TRPM3: variants seen among roughly 807,000 people sequenced by gnomAD.
TRPM3 encodes long transient receptor potential channel 3.
TRPM3 carries 77 observed loss-of-function variants against 181.2 expected under a neutral mutation model. That is an observed-to-expected ratio of 0.42 (90% CI 0.35 to 0.51). TRPM3 has a LOEUF of 0.51. Ranked by LOEUF, TRPM3 falls within the 20% of genes least tolerant of loss-of-function variation. The pLI is 0.01. For synonymous variants in TRPM3, 745 were observed against 796.4 expected, an observed-to-expected ratio of 0.94 and a Z score of 1.09; for missense variants, 1,759 against 2,196.7, an observed-to-expected ratio of 0.80 and a Z score of 3.98.
chr9:71,265,883 C>G (rs1241227177), intron 1 of TRPM3, among the ~76,000 whole-genome samples: 1 of 152,206 alleles, frequency 6.6e-6, no homozygotes, highest in South Asian at 2.1e-4. Context: ...AAGCAACCCA[C>G]TCAATTAAAA....
At chr9:71,287,882 T>C (rs951196806) in intron 1 of TRPM3, among the ~76,000 whole-genome samples, 3 of 152,078 alleles carry the variant, frequency 2.0e-5, no homozygotes, top group African/African-American at 4.8e-5. Flanking sequence ...TACTGTAAAA[T>C]TGAGGTAGCA....
At chr9:71,385,282 C>A (rs1327186471) in intron 1 of TRPM3, among the ~76,000 whole-genome samples, 2 of 151,978 alleles carry the variant, frequency 1.3e-5, no homozygotes, top group Non-Finnish European at 2.9e-5. Flanking sequence ...ATATTTCTTT[C>A]TTTAATAACT....
At chr9:70,919,375 C>T (rs2096631919) in intron 1 of TRPM3, among the ~76,000 whole-genome samples, 2 of 152,224 alleles carry the variant, frequency 1.3e-5, no homozygotes, top group African/African-American at 4.8e-5. Context: ...TAGGAATACT[C>T]TGCCCCAGCC....
chr9:71,292,780 T>C (rs2085924344), intron 1 of TRPM3, among the ~76,000 whole-genome samples: 1 of 151,948 alleles, frequency 6.6e-6, no homozygotes, highest in Non-Finnish European at 1.5e-5. Flanking sequence ...GAGAAATACT[T>C]CTACAAATTT....
chr9:70,652,707 G>A (rs985885979), intron 9 of TRPM3, among the ~76,000 whole-genome samples: 1 of 152,138 alleles, frequency 6.6e-6, no homozygotes, highest in African/African-American at 2.4e-5. Context: ...GCTTTAAACT[G>A]TGGTCTCCCC....
chr9:71,349,598 A>G (rs1285290518), intron 1 of TRPM3, among the ~76,000 whole-genome samples: 1 of 152,232 alleles, frequency 6.6e-6, no homozygotes, highest in African/African-American at 2.4e-5. Flanking sequence ...AAACCAAAAC[A>G]AATCAAAACC....
At chr9:70,890,075 C>A (rs2096173229) in intron 1 of TRPM3, among the ~76,000 whole-genome samples, 2 of 146,608 alleles carry the variant, frequency 1.4e-5, no homozygotes, top group South Asian at 4.2e-4. Flanking sequence ...ATATAGTGTA[C>A]TATATACTAT....
chr9:71,112,833 A>C (rs939509465), intron 1 of TRPM3, among the ~76,000 whole-genome samples: 5 of 152,144 alleles, frequency 3.3e-5, no homozygotes, highest in African/African-American at 1.2e-4. Flanking sequence ...GATTCAGAGA[A>C]ATTTTTCTGA....
At chr9:71,283,540 G>C (rs2085028958) in intron 1 of TRPM3, among the ~76,000 whole-genome samples, 1 of 152,008 alleles carries the variant, frequency 6.6e-6, no homozygotes, top group Admixed American at 6.6e-5. Context: ...TCCTGACCTC[G>C]TGATCCCCCG....
intron 9 of TRPM3, among the ~76,000 whole-genome samples, chr9:70,640,921 GCTT>G (rs905715767): frequency 2.0e-5 from 3 of 152,036 alleles, no homozygotes; most frequent in Non-Finnish European, 4.4e-5. Context: ...GAAACTCCAT[GCTT>G]TTTTGATATA....
chr9:70,980,345 A>G (rs2134014321), intron 1 of TRPM3, among the ~76,000 whole-genome samples: 1 of 152,186 alleles, frequency 6.6e-6, no homozygotes. Flanking sequence ...AGGGAGCAGC[A>G]GCATGATCAC....
chr9:71,167,075 T>C (rs2076575439), intron 1 of TRPM3, among the ~76,000 whole-genome samples: 1 of 151,968 alleles, frequency 6.6e-6, no homozygotes, highest in South Asian at 2.1e-4. Flanking sequence ...AGAAAAAGAG[T>C]TACCAAAAAA....
intron 11 of TRPM3, among the ~76,000 whole-genome samples, chr9:70,637,646 C>T (rs1434889266): frequency 2.0e-5 from 3 of 152,160 alleles, no homozygotes; most frequent in South Asian, 2.1e-4. Flanking sequence ...TAACCCGTTT[C>T]TATTTTTTGC....
chr9:71,369,309 AC>A (rs1429743439), intron 1 of TRPM3, among the ~76,000 whole-genome samples: 3 of 152,208 alleles, frequency 2.0e-5, no homozygotes, highest in Non-Finnish European at 2.9e-5. Context: ...TTTTTAAAGG[AC>A]TAATACTCCA....
At chr9:70,655,325 A>AAAAAAAAAAAAC (rs2060186634) in intron 9 of TRPM3, among the ~76,000 whole-genome samples, 1 of 149,564 alleles carries the variant, frequency 6.7e-6, no homozygotes, top group Non-Finnish European at 1.5e-5. Context: ...AAAAAAAAAA[A>AAAAAAAAAAAAC]AAAAAGAAAA....
At chr9:70,852,431 G>C (rs969381863) in intron 3 of TRPM3, among the ~76,000 whole-genome samples, 1 of 152,046 alleles carries the variant, frequency 6.6e-6, no homozygotes, top group Non-Finnish European at 1.5e-5. Flanking sequence ...GGTGTAAATG[G>C]CTCTGTGTCT....
intron 16 of TRPM3, 21 bp from the exon 17 acceptor site, chr9:70,619,116 A>G: frequency 1.2e-6 from 2 of 1,602,216 alleles, no homozygotes; most frequent in Non-Finnish European, 8.5e-7. Flanking sequence ...GAATGGGTGG[A>G]AGAGTCCTTC....
intron 1 of TRPM3, among the ~76,000 whole-genome samples, chr9:71,070,153 T>G (rs992860325): frequency 6.6e-6 from 1 of 152,234 alleles, no homozygotes; most frequent in African/African-American, 2.4e-5. Context: ...AGTGTCATTA[T>G]CAAAATGTAT....
intron 6 of TRPM3, among the ~76,000 whole-genome samples, chr9:70,824,256 C>T (rs567947160): frequency 4.8e-4 from 73 of 152,018 alleles, no homozygotes; most frequent in Non-Finnish European, 9.3e-4. Flanking sequence ...CTGGGGCCAT[C>T]CTGAGTGTAA....
Sources: gnomAD v4.1 joint callset for allele counts (sites outside exome capture counted in the v4.1 genomes callset) on GRCh38, gnomAD v4.1.1 for gene constraint, MANE v1.5 for transcripts, NCBI Gene and HGNC (gene_info 2026-07-23, HGNC 2026-07-21) for gene names.